The following SUFU variants were observed in gnomAD, a reference collection of about 807,000 sequenced individuals.
SUFU encodes the protein suppressor of fused homolog.
A neutral mutation model predicts 58.9 loss-of-function variants in SUFU; 7 were observed. That is an observed-to-expected ratio of 0.12 (90% CI 0.07 to 0.22). The LOEUF (loss-of-function observed/expected upper bound fraction) is 0.22. Among genes scored for constraint, SUFU ranks in the 10% least tolerant of loss-of-function variants. The pLI, the probability that SUFU is intolerant of heterozygous loss-of-function variation, is 1.00. For missense variants in SUFU, 451 were observed against 641.3 expected, an observed-to-expected ratio of 0.70 and a Z score of 3.20; for synonymous variants, 232 against 254.8, an observed-to-expected ratio of 0.91 and a Z score of 0.85.
At chr10:102,540,642 C>T (rs955236702) in intron 2 of SUFU, among the ~76,000 whole-genome samples, 50 of 151,906 alleles carry the variant, frequency 3.3e-4, no homozygotes, top group Admixed American at 2.1e-3. Flanking sequence ...CAGAGCAAGA[C>T]TCTGTCTCAA....
chr10:102,630,046 T>C lies in SUFU; in HGVS notation c.1366-20T>C. The stretch of plus-strand genomic sequence containing the variant: ...CTGCTAACCACTCACACTCCTGGTC[T>C]GTGCTTGCTCCCTCCACAGTTCAAA... On this transcript the variant is annotated intron_variant, in intron 11 of 11. Transcript: ENST00000369902. 6.2e-7 allele frequency: 1 copy of C among 1,611,112 alleles called. No homozygotes were observed. Among genetic ancestry groups the C allele is most frequent in the Non-Finnish European group, 8.5e-7 (1 of 1,177,206 alleles).
At chr10:102,595,959 G>A (rs1319008200) in intron 6 of SUFU, among the ~76,000 whole-genome samples, 1 of 152,148 alleles carries the variant, frequency 6.6e-6, no homozygotes, top group Admixed American at 6.5e-5. Context: ...GGACCCCAGG[G>A]CAGCCAGTGC....
At chr10:102,571,622 AG>A (rs1382421692) in intron 3 of SUFU, among the ~76,000 whole-genome samples, 2 of 152,228 alleles carry the variant, frequency 1.3e-5, no homozygotes, top group East Asian at 3.9e-4. Context: ...CCTGGGAGAC[AG>A]AGGTTGCAGT....
intron 2 of SUFU, among the ~76,000 whole-genome samples, chr10:102,525,162 G>C (rs1224079488): frequency 6.6e-6 from 1 of 152,076 alleles, no homozygotes; most frequent in Non-Finnish European, 1.5e-5. Flanking sequence ...CCAGGCTGGA[G>C]TGCGGTAGTG....
At chr10:102,550,640 A>C (rs2062903131) in intron 3 of SUFU, among the ~76,000 whole-genome samples, 1 of 152,156 alleles carries the variant, frequency 6.6e-6, no homozygotes, top group South Asian at 2.1e-4. Flanking sequence ...GCCCCATTGC[A>C]GATGTCTGAC....
At chr10:102,503,576 A>G (rs1319413952), upstream of SUFU, among the ~76,000 whole-genome samples, 2 of 152,290 alleles carry the variant, frequency 1.3e-5, no homozygotes, top group African/African-American at 4.8e-5. Flanking sequence ...CTTTTTGTCA[A>G]TAGCCCTAGA....
In SUFU at chr10:102,625,819, G is replaced by T. The variant is rs975781760; in HGVS notation, c.1297-1356G>T. On this transcript the variant is annotated intron_variant, in intron 10 of 11. Coordinates refer to ENST00000369902, the MANE Select transcript of SUFU (RefSeq NM_016169.4). This position sits in a 1 kb window ranked among gnomAD's most constrained non-coding sequence, Gnocchi z 4.7. ...TCCACTTCTTGCTTTAGAGACCTCC[G>T]TCCTGTGAGCTCCCGAGCCGTCCTG... 6.6e-6 allele frequency among the ~76,000 whole-genome samples: 1 copy of T among 152,032 alleles called. No homozygotes were observed. The highest frequency in any genetic ancestry group is 6.5e-5 in the Admixed American group (1 of 15,272).
chr10:102,629,206 C>G lies in SUFU; in HGVS notation c.1366-860C>G, dbSNP rs2063816096. Among the ~76,000 whole-genome samples the G allele has an allele frequency of 6.6e-6, 1 of 152,198 alleles. No homozygotes were observed. The highest frequency in any genetic ancestry group is 6.5e-5 in the Admixed American group (1 of 15,274). ...TGTGTCTAAGTTCCGGTATCAGTCC[C>G]AGGCAGTGAGCATTTATTGAGCTCC... is the stretch of plus-strand genomic sequence containing the variant. On this transcript the variant is annotated intron_variant, in intron 11 of 11. Transcript: ENST00000369902. This position sits in a 1 kb window ranked among gnomAD's most constrained non-coding sequence, Gnocchi z 4.7.
Position 102,630,566 on chromosome 10 carries a change from C to T in SUFU, c.*411C>T. ...GCCAGATGCAGAGCGAGTGGATGCACTTCCCAGCTCATCTCTGGAAGCCTT... is the reference window on the plus strand; with the variant it reads ...GCCAGATGCAGAGCGAGTGGATGCATTTCCCAGCTCATCTCTGGAAGCCTT... On this transcript the variant is annotated 3_prime_UTR_variant, in exon 12 of 12. Coordinates refer to ENST00000369902, the MANE Select transcript of SUFU (RefSeq NM_016169.4). 5.5e-6 allele frequency: 2 copies of T among 364,062 alleles called. No individual in the cohort carries two copies. Among genetic ancestry groups the T allele is most frequent in the South Asian group, 7.3e-5 (2 of 27,342 alleles). The allele number at this position is 364,062 out of a possible 1,614,324, so 22.6% of individuals were successfully genotyped here. A position where few individuals can be genotyped will look rare whatever the true frequency, so the allele number is the denominator to read the frequency against.
Position 102,524,663 on chromosome 10 carries a change from A to G in SUFU, c.317+15360A>G, listed in dbSNP as rs964933609. The stretch of plus-strand genomic sequence containing the variant: ...ACTTATCACTTCTGCGATGTCTATT[A>G]TGCTTTAAGAAATTTTTTTTTAAAT... On this transcript the variant is annotated intron_variant, in intron 2 of 11. Transcript: ENST00000369902. Among the ~76,000 whole-genome samples, 4 of 152,168 alleles carry G rather than the reference A, an allele frequency of 2.6e-5. No individual in the cohort carries two copies. The East Asian group carries it at 7.7e-4, about 29-fold the overall frequency.
chr10:102,575,117 G>C (rs7094614), intron 3 of SUFU, among the ~76,000 whole-genome samples: 22,957 of 152,002 alleles, frequency 0.15, 2,228 homozygotes, highest in East Asian at 0.41. Context: ...GGGAAGCTGA[G>C]GTGGAAGGAT....
In SUFU at chr10:102,628,807, A is replaced by C. The variant is rs1295831107; in HGVS notation, c.1366-1259A>C. 6.6e-6 allele frequency among the ~76,000 whole-genome samples: 1 copy of C among 152,038 alleles called. No homozygotes were observed. Among genetic ancestry groups the C allele is most frequent in the Non-Finnish European group, 1.5e-5 (1 of 68,006 alleles). On this transcript the variant is annotated intron_variant, in intron 11 of 11. Coordinates refer to ENST00000369902, the MANE Select transcript of SUFU (RefSeq NM_016169.4). This position sits in a 1 kb window ranked among gnomAD's most constrained non-coding sequence, Gnocchi z 4.5. ...AGCCCCAGACCGAGGCAGGCTGAGA[A>C]CACTGTTCTCTCCTTTCCACCCTGC... is the stretch of plus-strand genomic sequence containing the variant.
intron 3 of SUFU, among the ~76,000 whole-genome samples, chr10:102,581,937 C>A (rs2063284779): frequency 1.3e-5 from 2 of 152,218 alleles, no homozygotes; most frequent in South Asian, 4.1e-4. Context: ...AGACCTGAGT[C>A]TCCCAGCCTG....
intron 3 of SUFU, among the ~76,000 whole-genome samples, chr10:102,563,993 A>G (rs2063064510): frequency 6.6e-6 from 1 of 152,138 alleles, no homozygotes; most frequent in Non-Finnish European, 1.5e-5. Context: ...GAGGCTCTCC[A>G]GCCTAAGAAG....
intron 3 of SUFU, among the ~76,000 whole-genome samples, chr10:102,567,330 A>C (rs1053296473): frequency 2.6e-5 from 4 of 152,036 alleles, no homozygotes; most frequent in African/African-American, 9.7e-5. Context: ...TCAAGAAAAA[A>C]AAAGGCCAGG....
In SUFU at chr10:102,625,312, C is replaced by G. The variant is rs1377465959; in HGVS notation, c.1297-1863C>G. ...CTTTGCCAACTTTGCCTCTCCTGCT[C>G]TGTCTCTAAGCCTTGTCTCTGTCCT... On this transcript the variant is annotated intron_variant, in intron 10 of 11. Coordinates refer to ENST00000369902, the MANE Select transcript of SUFU (RefSeq NM_016169.4). This position sits in a 1 kb window ranked among gnomAD's most constrained non-coding sequence, Gnocchi z 4.7. 2.0e-5 allele frequency among the ~76,000 whole-genome samples: 3 copies of G among 152,232 alleles called. No homozygotes were observed. Among genetic ancestry groups the G allele is most frequent in the Non-Finnish European group, 4.4e-5 (3 of 68,050 alleles).
At chr10:102,567,006 CTTTT>C (rs1175563323) in intron 3 of SUFU, among the ~76,000 whole-genome samples, 10 of 64,668 alleles carry the variant, frequency 1.5e-4, no homozygotes, top group African/African-American at 5.6e-4. Flanking sequence ...GAAACAGGCT[CTTTT>C]TTTTTTTTTT....
Position 102,504,191 on chromosome 10 carries a change from C to T in SUFU, c.39C>T (p.Thr13=), listed in dbSNP as rs2062289462. 1.3e-6 allele frequency: 2 copies of T among 1,541,572 alleles called. No homozygotes were observed. Among genetic ancestry groups the T allele is most frequent in the East Asian group, 2.4e-5 (1 of 41,502 alleles). ...GGCCTAGCGGCGCCCCCGGCCCCAC[C>T]GCGCCCCCGGCCCCTGGCCCGACTG... The part of the protein sequence containing the change: ...ELRPSGAPGP[T]APPAPGPTAP... The change falls in exon 1 of 12, where the codon ACC becomes ACT. Residue 13 remains threonine (T), a synonymous_variant. Coordinates refer to ENST00000369902, the MANE Select transcript of SUFU (RefSeq NM_016169.4).
At chr10:102,543,077 A>C (rs2062820973) in intron 2 of SUFU, among the ~76,000 whole-genome samples, 1 of 152,214 alleles carries the variant, frequency 6.6e-6, no homozygotes, top group Non-Finnish European at 1.5e-5. Flanking sequence ...AGTTCTTAGA[A>C]GTGGGATTGC....
Sources: gnomAD v4.1 joint callset for allele counts (sites outside exome capture counted in the v4.1 genomes callset) on GRCh38, gnomAD v4.1.1 for gene constraint, Gnocchi (gnomAD v3.1) non-coding constraint, MANE v1.5 for transcripts, NCBI Gene and HGNC (gene_info 2026-07-23, HGNC 2026-07-21) for gene names.